The following SLC12A8 variants were observed in gnomAD, a reference collection of about 807,000 sequenced individuals.
The protein encoded by SLC12A8 is cation-chloride cotransporter 9.
In SLC12A8, 69 loss-of-function variants were observed where a neutral mutation model predicts 75.6. The observed-to-expected ratio is 0.91, with a 90% CI of 0.75 to 1.11. The LOEUF (loss-of-function observed/expected upper bound fraction) is 1.11, where lower values mean the gene tolerates loss of function less well. Ranked by LOEUF, SLC12A8 falls within the 50% of genes most tolerant of loss-of-function variation. SLC12A8 has a pLI of 0.00. For missense variants in SLC12A8, 877 were observed against 896.7 expected (o/e 0.98, Z 0.28); for synonymous variants, 365 against 372.8 (o/e 0.98, Z 0.24).
intron 2 of SLC12A8, among the ~76,000 whole-genome samples, chr3:125,203,577 C>T (rs575662193): frequency 2.6e-5 from 4 of 152,264 alleles, no homozygotes; most frequent in Non-Finnish European, 4.4e-5. Flanking sequence ...TCAACCTATA[C>T]AAAAAGCAAC....
chr3:125,142,364 T>C (rs1274072191), intron 5 of SLC12A8, among the ~76,000 whole-genome samples: 1 of 151,816 alleles, frequency 6.6e-6, no homozygotes, highest in Admixed American at 6.6e-5. Flanking sequence ...GGGGATGGGG[T>C]TTTTCTTCTG....
chr3:125,157,142 A>T (rs941889729), intron 5 of SLC12A8, among the ~76,000 whole-genome samples: 6 of 149,538 alleles, frequency 4.0e-5, no homozygotes, highest in Non-Finnish European at 7.4e-5. Context: ...AAAAGGATGA[A>T]AAAAAGGCTA....
chr3:125,208,615 G>A (rs1563293), intron 2 of SLC12A8, among the ~76,000 whole-genome samples: 74,205 of 151,618 alleles, frequency 0.49, 19,212 homozygotes, highest in African/African-American at 0.64. Flanking sequence ...GTGAGGTTAC[G>A]AAACTTGTTC....
intron 9 of SLC12A8, among the ~76,000 whole-genome samples, chr3:125,108,845 G>A (rs1034115238): frequency 5.4e-4 from 82 of 152,308 alleles, no homozygotes; most frequent in African/African-American, 1.9e-3. Flanking sequence ...GGTGGCTGGA[G>A]GAGGGGAATT....
intron 10 of SLC12A8, among the ~76,000 whole-genome samples, chr3:125,106,793 T>G (rs947889349): frequency 2.4e-4 from 37 of 152,208 alleles, no homozygotes; most frequent in African/African-American, 8.4e-4. Flanking sequence ...TGCAGGGTGA[T>G]GTCCAGCTGT....
chr3:125,208,725 G>A (rs1935273187), intron 2 of SLC12A8, among the ~76,000 whole-genome samples: 1 of 133,166 alleles, frequency 7.5e-6, no homozygotes, highest in South Asian at 2.7e-4. Context: ...TTCCCAGCTG[G>A]TTCACTTATT....
chr3:125,161,557 C>T (rs1934168563), intron 5 of SLC12A8, among the ~76,000 whole-genome samples: 1 of 152,148 alleles, frequency 6.6e-6, no homozygotes, highest in South Asian at 2.1e-4. Context: ...TCTCTCAAAC[C>T]TGCACAGTCG....
Position 125,107,778 on chromosome 3 carries a change from T to C in SLC12A8, c.1408A>G (p.Arg470Gly), listed in dbSNP as rs765854148. 1.2e-6 allele frequency: 2 copies of C among 1,614,214 alleles called. No homozygotes were observed. Among genetic ancestry groups the C allele is most frequent in the Non-Finnish European group, 1.7e-6 (2 of 1,180,032 alleles). The change falls in exon 10 of 14, where the codon AGG becomes GGG. Residue 470 changes from arginine (R) to glycine (G), a missense_variant. Transcript: ENST00000469902. ...KDMDQLLQLT[R>G]KLESSQPRQG... The stretch of plus-strand genomic sequence containing the variant: ...CTGGGCTGGCTACTCTCAAGCTTCC[T>C]GGTTAGCTGGAGGAGCTGATCCATG...
At chr3:125,193,472 G>C (rs1173551307) in intron 2 of SLC12A8, among the ~76,000 whole-genome samples, 1 of 152,232 alleles carries the variant, frequency 6.6e-6, no homozygotes, top group African/African-American at 2.4e-5. Context: ...CTAGTGCCCA[G>C]AGCTCGCCTC....
At chr3:125,172,265 AC>A (rs1291216385) in intron 5 of SLC12A8, among the ~76,000 whole-genome samples, 1 of 81,014 alleles carries the variant, frequency 1.2e-5, no homozygotes, top group Non-Finnish European at 2.5e-5. Context: ...CAAGCACAAA[AC>A]TCCTTCTTAA....
At chr3:125,205,778 C>T (rs375556159) in intron 2 of SLC12A8, among the ~76,000 whole-genome samples, 2 of 152,136 alleles carry the variant, frequency 1.3e-5, no homozygotes, top group African/African-American at 2.4e-5. Flanking sequence ...AAAGATTATG[C>T]CAAATTTTCT....
chr3:125,092,632 G>C (rs1281012762), intron 10 of SLC12A8, among the ~76,000 whole-genome samples: 2 of 152,074 alleles, frequency 1.3e-5, no homozygotes, highest in Non-Finnish European at 2.9e-5. Context: ...CTGAAAGTTA[G>C]CTCGTGTTAG....
chr3:125,182,817 C>T (rs1293632564), intron 4 of SLC12A8, among the ~76,000 whole-genome samples: 2 of 151,838 alleles, frequency 1.3e-5, no homozygotes, highest in Non-Finnish European at 2.9e-5. Flanking sequence ...TGGCCTTGTC[C>T]CCATTTTTGT....
intron 5 of SLC12A8, among the ~76,000 whole-genome samples, chr3:125,168,016 C>T (rs1346472834): frequency 6.6e-6 from 1 of 152,114 alleles, no homozygotes; most frequent in Non-Finnish European, 1.5e-5. Flanking sequence ...CACTGTTTTA[C>T]GAAAAGTGAT....
At chr3:125,110,442 T>C (rs1414319552) in intron 8 of SLC12A8, 107 bp from the exon 9 acceptor site, 1 of 1,083,238 alleles carries the variant, frequency 9.2e-7, no homozygotes, top group East Asian at 2.5e-5. Flanking sequence ...CACTGAGTCG[T>C]CTAGATCTGA....
chr3:125,198,015 C>G (rs1304345255), intron 2 of SLC12A8, among the ~76,000 whole-genome samples: 2 of 152,016 alleles, frequency 1.3e-5, no homozygotes, highest in Non-Finnish European at 2.9e-5. Flanking sequence ...AAATAAATAG[C>G]CAAAGTTAAC....
At chr3:125,191,604 T>A (rs1426650464) in intron 2 of SLC12A8, among the ~76,000 whole-genome samples, 1 of 152,120 alleles carries the variant, frequency 6.6e-6, no homozygotes, top group African/African-American at 2.4e-5. Context: ...AATCAAGAGT[T>A]TAGGGAAAAA....
chr3:125,107,691 G>C lies in SLC12A8; in HGVS notation c.1495C>G (p.Gln499Glu), dbSNP rs1457211161. 3 of 1,614,036 alleles carry C rather than the reference G, an allele frequency of 1.9e-6. No homozygotes were observed. Among genetic ancestry groups the C allele is most frequent in the Non-Finnish European group, 2.5e-6 (3 of 1,180,020 alleles). ...QKRKSKKATK[Q>E]TLQDSFLLDL... Reference sequence around the variant, plus strand: ...AAGAGGAAGCTATCTTGTAGGGTCTGCTTGGTGGCCTTCTTGCTTTTCCTC... The same window carrying C: ...AAGAGGAAGCTATCTTGTAGGGTCTCCTTGGTGGCCTTCTTGCTTTTCCTC... The change falls in exon 10 of 14, where the codon CAG becomes GAG. Residue 499 changes from glutamine to glutamate, a missense_variant. Transcript: ENST00000469902.
At chr3:125,167,372 C>T (rs1484622187) in intron 5 of SLC12A8, among the ~76,000 whole-genome samples, 1 of 152,194 alleles carries the variant, frequency 6.6e-6, no homozygotes, top group Non-Finnish European at 1.5e-5. Flanking sequence ...TCTCAAACTC[C>T]TGACCTCAGG....
Sources: gnomAD v4.1 joint callset for allele counts (sites outside exome capture counted in the v4.1 genomes callset) on GRCh38, gnomAD v4.1.1 for gene constraint, MANE v1.5 for transcripts, NCBI Gene and HGNC (gene_info 2026-07-23, HGNC 2026-07-21) for gene names.